STPG2: variants seen among roughly 807,000 people sequenced by gnomAD.
The protein encoded by STPG2 is sperm tail PG-rich repeat containing 2.
A neutral mutation model predicts 54.2 loss-of-function variants in STPG2; 56 were observed. The ratio of observed to expected loss-of-function variants is 1.03; its 90% CI spans 0.83 to 1.29. STPG2 has a LOEUF of 1.29. Among genes scored for constraint, STPG2 ranks in the 50% most tolerant of loss-of-function variants. The probability of loss-of-function intolerance (pLI) is 0.00; values close to 1 mark genes in which losing one functional copy is unlikely to be tolerated. For missense variants in STPG2, 596 were observed against 544.9 expected, an observed-to-expected ratio of 1.09 and a Z score of -0.93; for synonymous variants, 200 against 181.8, an observed-to-expected ratio of 1.10 and a Z score of -0.81.
intron 10 of STPG2, among the ~76,000 whole-genome samples, chr4:97,685,723 T>A (rs1723167330): frequency 6.6e-6 from 1 of 152,196 alleles, no homozygotes; most frequent in South Asian, 2.1e-4. Flanking sequence ...GTTTTAATAT[T>A]GTTAATCAGT....
At chr4:98,047,831 C>T (rs1240567788) in intron 5 of STPG2, among the ~76,000 whole-genome samples, 2 of 152,084 alleles carry the variant, frequency 1.3e-5, no homozygotes, top group Admixed American at 1.3e-4. Context: ...TTCTGCATTG[C>T]AAACTTTTCA....
chr4:98,072,608 T>TAAAAC (rs1156892897), intron 5 of STPG2, among the ~76,000 whole-genome samples: 25 of 112,132 alleles, frequency 2.2e-4, no homozygotes, highest in Admixed American at 5.0e-4. Context: ...TAAAATAAAA[T>TAAAAC]AAAATAAAAC....
In STPG2 at chr4:97,840,814, CT is replaced by C; in HGVS notation, c.1162del (p.Ser388ValfsTer7). ...TTTTTCTAGGCACCGAGGAGTTGCACTAAGAAAAGAGGCATGTTTTCTTTTA... is the reference window on the plus strand; with the variant it reads ...TTTTTCTAGGCACCGAGGAGTTGCACAAGAAAAGAGGCATGTTTTCTTTTA... ...VAKRKHASFLSATPRCLEKVT... is the reference protein window; with the variant it reads ...VAKRKHASFLXATPRCLEKVT... On this transcript the variant is annotated frameshift_variant, in exon 9 of 11. Coordinates refer to ENST00000295268, the MANE Select transcript of STPG2 (RefSeq NM_174952.3). LOFTEE classifies it high-confidence loss of function. 1 of 1,611,824 alleles carries C rather than the reference CT, an allele frequency of 6.2e-7. No homozygotes were observed. Among genetic ancestry groups the C allele is most frequent in the Non-Finnish European group, 8.5e-7 (1 of 1,178,474 alleles).
chr4:97,567,160 A>G (rs1311831236), intron 10 of STPG2, among the ~76,000 whole-genome samples: 1 of 151,504 alleles, frequency 6.6e-6, no homozygotes, highest in Non-Finnish European at 1.5e-5. Flanking sequence ...TCCCAAAACA[A>G]TAGCTTACTT....
chr4:97,799,838 G>A (rs1339879475), intron 9 of STPG2, among the ~76,000 whole-genome samples: 4 of 152,088 alleles, frequency 2.6e-5, no homozygotes, highest in Non-Finnish European at 4.4e-5. Flanking sequence ...CATAGATTTG[G>A]TCTTTTCACA....
At position 97,943,943 on chromosome 4, in the gene STPG2, G is replaced by T. The variant is rs1396992050; in HGVS notation, c.998C>A (p.Ala333Asp). The change falls in exon 8 of 11, where the codon GCT becomes GAT. Residue 333 changes from alanine to aspartate, a missense_variant. By Grantham distance (126) the Ala-to-Asp change is moderately radical. Transcript: ENST00000295268. ...DELPNLTNKY[A>D]AFLSRAKRTM... ...TCTTTTGGCTCTTGACAAGAAAGCA[G>T]CATATTTGTTAGTCAAGTTAGGTAA... is the stretch of plus-strand genomic sequence containing the variant. The T allele has an allele frequency of 6.3e-7, 1 of 1,598,756 alleles. No homozygotes were observed. Among genetic ancestry groups the T allele is most frequent in the Non-Finnish European group, 8.5e-7 (1 of 1,175,270 alleles).
chr4:97,549,057 C>G (rs541752634), intron 4 of STPG2, among the ~76,000 whole-genome samples: 1 of 27,174 alleles, frequency 3.7e-5, no homozygotes, highest in South Asian at 1.5e-3. Context: ...ACTCAGCCTA[C>G]GAAATGGAAT....
rs541493171 is a variant in STPG2, at chr4:97,541,897, A to C, written c.462+170802T>G. 4.4e-3 allele frequency among the ~76,000 whole-genome samples: 664 copies of C among 152,210 alleles called. 3 individuals carry two copies. The highest frequency in any genetic ancestry group is 0.022 in the South Asian group (108 of 4,826). ...AGGATTCCCTATTTAACAAATGGTG[A>C]TGGGAAAACTGGCTAGCCATATGTA... On this transcript the variant is annotated intron_variant, in intron 4 of 4. Coordinates refer to the STPG2 transcript ENST00000522676.
intron 10 of STPG2, among the ~76,000 whole-genome samples, chr4:97,650,175 A>T (rs1328229029): frequency 1.3e-5 from 2 of 152,112 alleles, no homozygotes; most frequent in Non-Finnish European, 2.9e-5. Flanking sequence ...GGCTGTAAAT[A>T]CAGATGAAGC....
intron 9 of STPG2, among the ~76,000 whole-genome samples, chr4:97,773,150 T>C (rs1726267773): frequency 6.6e-6 from 1 of 152,192 alleles, no homozygotes; most frequent in Admixed American, 6.5e-5. Flanking sequence ...TCACTTTTAA[T>C]TTCCTTTCAG....
Position 97,610,318 on chromosome 4 carries a change from A to G in STPG2, c.1321-51201T>C, listed in dbSNP as rs114835951. ...TAATGCATATTCTTACCTCAGAGAC[A>G]TGGAACTATCACTAAGTAAAGTAAA... On this transcript the variant is annotated intron_variant, in intron 10 of 10. Coordinates refer to ENST00000295268, the MANE Select transcript of STPG2 (RefSeq NM_174952.3). Among the ~76,000 whole-genome samples, 501 of 152,182 alleles carry G rather than the reference A, an allele frequency of 3.3e-3. 3 individuals are homozygous for G. The highest frequency in any genetic ancestry group is 0.011 in the African/African-American group (473 of 41,544).
intron 5 of STPG2, among the ~76,000 whole-genome samples, chr4:98,012,842 G>A (rs992242776): frequency 8.5e-5 from 13 of 152,144 alleles, no homozygotes; most frequent in Admixed American, 6.5e-5. Context: ...AGCTTAAGGA[G>A]TTTTGGGGTT....
intron 5 of STPG2, among the ~76,000 whole-genome samples, chr4:98,031,391 T>G (rs963374188): frequency 2.6e-5 from 4 of 151,958 alleles, no homozygotes; most frequent in African/African-American, 9.7e-5. Context: ...TTAAAAAAAG[T>G]AAATGGGCCA....
At chr4:97,608,995 T>C (rs903390869) in intron 10 of STPG2, among the ~76,000 whole-genome samples, 4 of 152,076 alleles carry the variant, frequency 2.6e-5, no homozygotes, top group Non-Finnish European at 5.9e-5. Context: ...TTTTTAATGG[T>C]ATGGATTTTA....
intron 5 of STPG2, among the ~76,000 whole-genome samples, chr4:97,994,163 T>C (rs967536877): frequency 6.6e-6 from 1 of 152,174 alleles, no homozygotes; most frequent in Non-Finnish European, 1.5e-5. Flanking sequence ...TGAGAGGTTG[T>C]ATCATTCTTA....
chr4:97,663,311 A>C lies in STPG2; in HGVS notation c.1320+49388T>G, dbSNP rs368461614. On this transcript the variant is annotated intron_variant, in intron 10 of 10. Transcript: ENST00000295268. ...TTAAAATCTGAGTTGGTACAACAGAAAAAGAAAAAGGAATTTTTCAAAAGT... is the reference window on the plus strand; with the variant it reads ...TTAAAATCTGAGTTGGTACAACAGACAAAGAAAAAGGAATTTTTCAAAAGT... 3.3e-4 allele frequency among the ~76,000 whole-genome samples: 51 copies of C among 152,320 alleles called. 1 individual carries two copies. In the East Asian group the frequency reaches 8.7e-3, roughly 26 times the overall value.
intron 5 of STPG2, among the ~76,000 whole-genome samples, chr4:97,994,628 A>G (rs1735142049): frequency 6.6e-6 from 1 of 152,020 alleles, no homozygotes; most frequent in African/African-American, 2.4e-5. Flanking sequence ...GGTACAGGGG[A>G]GTATGTGCAA....
chr4:97,907,598 T>C (rs926430432), intron 8 of STPG2, among the ~76,000 whole-genome samples: 12 of 152,036 alleles, frequency 7.9e-5, no homozygotes, highest in South Asian at 2.1e-4. Context: ...GGAGGCATCA[T>C]GCTACCTGAC....
At chr4:97,998,063 A>C (rs1560628721) in intron 5 of STPG2, among the ~76,000 whole-genome samples, 3 of 152,208 alleles carry the variant, frequency 2.0e-5, no homozygotes, top group South Asian at 2.1e-4. Context: ...TTGACTAGAA[A>C]ATAGTTCGGT....
Sources: allele counts gnomAD v4.1 joint callset (sites outside exome capture counted in the v4.1 genomes callset), GRCh38; gene constraint gnomAD v4.1.1; transcripts MANE v1.5; gene names NCBI Gene and HGNC (gene_info 2026-07-23, HGNC 2026-07-21).